The following BRINP3 variants were observed in gnomAD, a reference collection of about 807,000 sequenced individuals.
The protein encoded by BRINP3 is BMP/retinoic acid inducible neural specific 3, also known as BMP/retinoic acid-inducible neural-specific protein 3.
BRINP3 carries 19 observed loss-of-function variants against 71.0 expected under a neutral mutation model. That is an observed-to-expected ratio of 0.27 (90% confidence interval 0.19 to 0.39). BRINP3 has a LOEUF of 0.39. Ranked by LOEUF, BRINP3 falls within the 10% of genes least tolerant of loss-of-function variation. BRINP3 has a pLI of 1.00. For missense variants in BRINP3, 959 were observed against 940.8 expected (o/e 1.02, Z -0.25); for synonymous variants, 380 against 337.7 (o/e 1.13, Z -1.37).
chr1:190,248,472 G>T (rs894698827), intron 4 of BRINP3, among the ~76,000 whole-genome samples: 1 of 151,402 alleles, frequency 6.6e-6, no homozygotes, highest in Non-Finnish European at 1.5e-5. Flanking sequence ...AGATACTATC[G>T]TCTTAATTTT....
intron 6 of BRINP3, among the ~76,000 whole-genome samples, chr1:190,191,056 C>A (rs183342542): frequency 6.6e-6 from 1 of 152,088 alleles, no homozygotes; most frequent in African/African-American, 2.4e-5. Flanking sequence ...CATTTAACTG[C>A]ATTTATAAAG....
chr1:190,129,584 T>A (rs1654365652), intron 7 of BRINP3, among the ~76,000 whole-genome samples: 1 of 151,946 alleles, frequency 6.6e-6, no homozygotes, highest in South Asian at 2.1e-4. Context: ...AGCAGCATGC[T>A]TAGTGTGAAG....
chr1:190,154,779 A>T (rs10920653), intron 7 of BRINP3, among the ~76,000 whole-genome samples: 2 of 152,016 alleles, frequency 1.3e-5, no homozygotes, highest in Non-Finnish European at 2.9e-5. Context: ...GAGGAAAATA[A>T]CTTTTGCCAT....
chr1:190,473,558 C>CTT (rs1427467579), intron 1 of BRINP3, among the ~76,000 whole-genome samples: 2 of 62,508 alleles, frequency 3.2e-5, no homozygotes, highest in African/African-American at 9.6e-5. Flanking sequence ...TTTTTTTTTG[C>CTT]TTCACTGTGT....
At chr1:190,190,165 G>A (rs751862505) in intron 6 of BRINP3, among the ~76,000 whole-genome samples, 5 of 152,202 alleles carry the variant, frequency 3.3e-5, no homozygotes, top group Middle Eastern at 3.4e-3. Flanking sequence ...CAGGGAGGGC[G>A]CAGAAACTTA....
chr1:190,193,750 A>G (rs1476737789), intron 6 of BRINP3, among the ~76,000 whole-genome samples: 3 of 152,046 alleles, frequency 2.0e-5, no homozygotes, highest in Non-Finnish European at 4.4e-5. Flanking sequence ...TGTTCCTTTG[A>G]GATGCAAATC....
intron 2 of BRINP3, among the ~76,000 whole-genome samples, chr1:190,308,232 C>T: frequency 6.7e-6 from 1 of 149,852 alleles, no homozygotes; most frequent in African/African-American, 2.5e-5. Flanking sequence ...TAACGGCAAC[C>T]TAAACATAAT....
chr1:190,220,546 T>A (rs936077535), intron 6 of BRINP3, among the ~76,000 whole-genome samples: 5 of 152,026 alleles, frequency 3.3e-5, no homozygotes, highest in African/African-American at 9.7e-5. Flanking sequence ...ATAATTTTTT[T>A]TAAAAAAGAA....
intron 2 of BRINP3, among the ~76,000 whole-genome samples, chr1:190,368,978 A>G (rs1263286655): frequency 6.6e-6 from 1 of 152,118 alleles, no homozygotes; most frequent in Non-Finnish European, 1.5e-5. Flanking sequence ...GTTCATCTGA[A>G]TCTTGTTATT....
intron 2 of BRINP3, among the ~76,000 whole-genome samples, chr1:190,350,189 C>T (rs757898587): frequency 2.8e-4 from 43 of 152,040 alleles, no homozygotes; most frequent in Non-Finnish European, 4.7e-4. Flanking sequence ...CTAAAGCAGA[C>T]AAACAGATGA....
At chr1:190,448,463 T>TG (rs1553324612) in intron 2 of BRINP3, among the ~76,000 whole-genome samples, 1,435 of 125,144 alleles carry the variant, frequency 0.011, 16 homozygotes, top group African/African-American at 0.029. Flanking sequence ...CACTTGGGGT[T>TG]TGTGTGTGTG....
chr1:190,216,775 T>C (rs540715058), intron 6 of BRINP3, among the ~76,000 whole-genome samples: 1 of 152,050 alleles, frequency 6.6e-6, no homozygotes, highest in Non-Finnish European at 1.5e-5. Flanking sequence ...TACTTCCTTC[T>C]TTTTGTATGG....
At position 190,425,101 on chromosome 1, in the gene BRINP3, C is replaced by T. The variant is rs74130750; in HGVS notation, c.236+29554G>A. 9.4e-3 allele frequency among the ~76,000 whole-genome samples: 1,428 copies of T among 151,566 alleles called. 24 individuals are homozygous for T. The highest frequency in any genetic ancestry group is 0.032 in the African/African-American group (1,339 of 41,446). Reference sequence around the variant, plus strand: ...AGATAAAGGAAAATATTGAAAATCTCAGAATGCAAAAGAAAATAACAAAGT... The same window carrying T: ...AGATAAAGGAAAATATTGAAAATCTTAGAATGCAAAAGAAAATAACAAAGT... On this transcript the variant is annotated intron_variant, in intron 2 of 7. Coordinates refer to ENST00000367462, the MANE Select transcript of BRINP3 (RefSeq NM_199051.3).
intron 2 of BRINP3, among the ~76,000 whole-genome samples, chr1:190,372,938 A>G (rs1353269744): frequency 6.6e-6 from 1 of 152,142 alleles, no homozygotes; most frequent in Non-Finnish European, 1.5e-5. Flanking sequence ...CCAGGACCTC[A>G]TTTAAAGAAT....
chr1:190,156,879 C>A (rs1656914387), intron 7 of BRINP3, among the ~76,000 whole-genome samples: 1 of 152,038 alleles, frequency 6.6e-6, no homozygotes, highest in African/African-American at 2.4e-5. Flanking sequence ...CCAGTTTGAA[C>A]TGGGATTTCA....
chr1:190,144,668 T>A (rs1297856997), intron 7 of BRINP3, among the ~76,000 whole-genome samples: 1 of 152,182 alleles, frequency 6.6e-6, no homozygotes. Context: ...TCTAACCTTC[T>A]AAAGTCAGAA....
chr1:190,363,909 A>T (rs938855430), intron 2 of BRINP3, among the ~76,000 whole-genome samples: 4 of 152,146 alleles, frequency 2.6e-5, no homozygotes, highest in African/African-American at 9.7e-5. Flanking sequence ...ATGCAGGAGG[A>T]GGTACAGATT....
At chr1:190,249,264 G>A (rs966584588) in intron 4 of BRINP3, among the ~76,000 whole-genome samples, 4 of 151,706 alleles carry the variant, frequency 2.6e-5, no homozygotes, top group Non-Finnish European at 4.4e-5. Context: ...CCTAAGCACA[G>A]CACAGACACT....
intron 4 of BRINP3, among the ~76,000 whole-genome samples, chr1:190,257,927 T>C (rs2102846335): frequency 6.6e-6 from 1 of 152,270 alleles, no homozygotes; most frequent in African/African-American, 2.4e-5. Flanking sequence ...TCAGTTAGGC[T>C]ACATGGGGGG....
Sources: gnomAD v4.1 joint callset for allele counts (sites outside exome capture counted in the v4.1 genomes callset) on GRCh38, gnomAD v4.1.1 for gene constraint, MANE v1.5 for transcripts, NCBI Gene and HGNC (gene_info 2026-07-23, HGNC 2026-07-21) for gene names.